The following SENP7 variants were observed in gnomAD, a reference collection of about 807,000 sequenced individuals.
The protein encoded by SENP7 is sentrin-specific protease 7.
In SENP7, 64 loss-of-function variants were observed where a neutral mutation model predicts 141.2. The observed-to-expected ratio is 0.45, with a 90% confidence interval of 0.37 to 0.56. The LOEUF is 0.56. Ranked by LOEUF, SENP7 falls within the 20% of genes least tolerant of loss-of-function variation. SENP7 has a pLI of 0.00. For synonymous variants in SENP7, 382 were observed against 426.4 expected (o/e 0.90, Z 1.28); for missense variants, 1,025 against 1,212.2 (o/e 0.85, Z 2.29).
rs397701617 is a variant in SENP7, at chr3:101,325,311, A to AG, written c.*631dup. On this transcript the variant is annotated 3_prime_UTR_variant, in exon 24 of 24. Coordinates refer to ENST00000394095, the MANE Select transcript of SENP7 (RefSeq NM_020654.5). The stretch of plus-strand genomic sequence containing the variant: ...ACATCAAAAGAAATGAAAAAAAAAA[A>AG]GCAGAGTAATCGTATTTAGCAATTG... The AG allele has an allele frequency of 2.0e-5, 3 of 152,296 alleles. No individual in the cohort carries two copies. The highest frequency in any genetic ancestry group is 2.9e-5 in the Non-Finnish European group (2 of 67,922). The allele number at this position is 152,296 out of a possible 1,614,324, so 9.4% of individuals were successfully genotyped here.
chr3:101,414,271 A>T, intron 5 of SENP7: 2 of 692,272 alleles, frequency 2.9e-6, no homozygotes, highest in Non-Finnish European at 5.3e-6. Flanking sequence ...GATGGTGAAG[A>T]GTCTGGAGAG....
chr3:101,472,431 C>T (rs928175001), intron 3 of SENP7, among the ~76,000 whole-genome samples: 1 of 152,018 alleles, frequency 6.6e-6, no homozygotes, highest in South Asian at 2.1e-4. Context: ...TGTTCTCACT[C>T]GTAGGTGGGA....
intron 1 of SENP7, among the ~76,000 whole-genome samples, chr3:101,505,029 C>G (rs943480348): frequency 1.3e-5 from 2 of 151,814 alleles, no homozygotes; most frequent in African/African-American, 4.8e-5. Context: ...TGCACCACTG[C>G]ACTCCAGTCT....
rs1411891532 is a variant in SENP7 at position 101,439,141 on chromosome 3, G to A, written c.284+19814C>T. On this transcript the variant is annotated intron_variant, in intron 4 of 23. Transcript: ENST00000394095. The stretch of plus-strand genomic sequence containing the variant: ...TAGGAAGTGAGGAGCGTCTCTGCCC[G>A]GCCGCCCATCGTCTGAGATGTGGGG... Among the ~76,000 whole-genome samples the A allele has an allele frequency of 1.3e-4, 14 of 109,844 alleles. No individual in the cohort carries two copies. The East Asian group carries it at 2.6e-3, about 20-fold the overall frequency. 72.1% of individuals were successfully genotyped at this position (109,844 alleles called of 152,430 possible). A position where few individuals can be genotyped will look rare whatever the true frequency, so the allele number is the denominator to read the frequency against.
chr3:101,394,673 T>A (rs1177420004), intron 6 of SENP7, among the ~76,000 whole-genome samples: 1 of 152,084 alleles, frequency 6.6e-6, no homozygotes, highest in East Asian at 1.9e-4. Flanking sequence ...TTTGTTTTTT[T>A]CTTTTTTGTT....
At chr3:101,490,910 G>C (rs970547846) in intron 3 of SENP7, among the ~76,000 whole-genome samples, 7 of 152,080 alleles carry the variant, frequency 4.6e-5, no homozygotes, top group Non-Finnish European at 8.8e-5. Context: ...CAACCACAGA[G>C]CACAGTAAGG....
intron 9 of SENP7, among the ~76,000 whole-genome samples, chr3:101,365,624 G>A (rs1431378687): frequency 8.9e-6 from 1 of 112,086 alleles, no homozygotes; most frequent in Non-Finnish European, 1.7e-5. Context: ...GACAGAGAGA[G>A]ACTCTGTCTC....
rs2058883045 is a variant in SENP7 at position 101,325,734 on chromosome 3, AGTTT to A, written c.*205_*208del. ...ATAAAATTTTAATTTATATCTAGTA[AGTTT>A]ATCTATATCACCCCCATTCCCATTC... is the stretch of plus-strand genomic sequence containing the variant. On this transcript the variant is annotated 3_prime_UTR_variant, in exon 24 of 24. Coordinates refer to ENST00000394095, the MANE Select transcript of SENP7 (RefSeq NM_020654.5). 5.9e-6 allele frequency: 2 copies of A among 340,704 alleles called. No individual in the cohort carries two copies. Among genetic ancestry groups the A allele is most frequent in the Non-Finnish European group, 1.0e-5 (2 of 191,658 alleles). 21.1% of individuals were successfully genotyped at this position (340,704 alleles called of 1,614,324 possible).
At chr3:101,424,188 G>C (rs2061878101) in intron 4 of SENP7, among the ~76,000 whole-genome samples, 1 of 152,062 alleles carries the variant, frequency 6.6e-6, no homozygotes, top group South Asian at 2.1e-4. Context: ...TGGGTGCCCT[G>C]GGGTCCTGTA....
chr3:101,402,690 T>C (rs1438153746), intron 5 of SENP7, among the ~76,000 whole-genome samples: 1 of 151,404 alleles, frequency 6.6e-6, no homozygotes, highest in African/African-American at 2.4e-5. Context: ...TCTGGATGAC[T>C]GGATGACAGC....
chr3:101,500,330 G>C (rs529932967), intron 2 of SENP7, among the ~76,000 whole-genome samples: 1 of 152,160 alleles, frequency 6.6e-6, no homozygotes, highest in Non-Finnish European at 1.5e-5. Flanking sequence ...CAAGGCAGGA[G>C]GATTGCTTGA....
chr3:101,422,740 A>G (rs1270302039), intron 4 of SENP7, among the ~76,000 whole-genome samples: 3 of 152,196 alleles, frequency 2.0e-5, no homozygotes, highest in Non-Finnish European at 4.4e-5. Flanking sequence ...TTCCTAAAAA[A>G]TAAGAAATAT....
intron 11 of SENP7, among the ~76,000 whole-genome samples, chr3:101,353,502 C>A (rs1213675429): frequency 6.6e-6 from 1 of 151,912 alleles, no homozygotes; most frequent in Non-Finnish European, 1.5e-5. Context: ...CTACTCCCAG[C>A]AGACTTAACC....
At position 101,482,148 on chromosome 3, in the gene SENP7, A is replaced by T. The variant is rs1027895622; in HGVS notation, c.186+11725T>A. Among the ~76,000 whole-genome samples, 17 of 152,024 alleles carry T rather than the reference A, an allele frequency of 1.1e-4. No individual in the cohort carries two copies. The East Asian group carries it at 3.3e-3, about 29-fold the overall frequency. ...ACAAGGTGAAACCCTGTCTCTACTA[A>T]AAATACAAAAAAAAATTAGCCAGGT... On this transcript the variant is annotated intron_variant, in intron 3 of 23. Transcript: ENST00000394095.
chr3:101,414,541 G>A (rs1320952220), intron 5 of SENP7: 28 of 1,600,690 alleles, frequency 1.7e-5, no homozygotes, highest in Middle Eastern at 3.3e-4. Context: ...GCAGCTGGAC[G>A]GTTGTGTGAC....
intron 4 of SENP7, among the ~76,000 whole-genome samples, chr3:101,423,015 A>T (rs959147869): frequency 2.0e-5 from 3 of 152,198 alleles, no homozygotes; most frequent in African/African-American, 7.2e-5. Context: ...CTACATTTTG[A>T]TTCCGGAAAA....
chr3:101,336,371 A>T, intron 17 of SENP7, among the ~76,000 whole-genome samples: 1 of 152,184 alleles, frequency 6.6e-6, no homozygotes, highest in Non-Finnish European at 1.5e-5. Context: ...TAACGAGATG[A>T]AACAAACTCT....
At chr3:101,399,139 C>A in intron 5 of SENP7, 84 bp from the exon 6 acceptor site, 1 of 833,630 alleles carries the variant, frequency 1.2e-6, no homozygotes, top group Non-Finnish European at 1.7e-6. Context: ...AATTTTCAAT[C>A]ATTGCCATCT....
chr3:101,493,821 A>T, intron 3 of SENP7, 52 bp downstream of exon 3: 1 of 1,097,238 alleles, frequency 9.1e-7, no homozygotes, highest in Non-Finnish European at 1.3e-6. Flanking sequence ...ACAATATTTT[A>T]AACATACCAA....
Sources: allele counts gnomAD v4.1 joint callset (sites outside exome capture counted in the v4.1 genomes callset), GRCh38; gene constraint gnomAD v4.1.1; transcripts MANE v1.5; gene names NCBI Gene and HGNC (gene_info 2026-07-23, HGNC 2026-07-21).